UHRF1: variants seen among roughly 807,000 people sequenced by gnomAD.
UHRF1 encodes ubiquitin like with PHD and ring finger domains 1, also known as E3 ubiquitin-protein ligase UHRF1.
In UHRF1, 9 loss-of-function variants were observed where a neutral mutation model predicts 96.5. The observed-to-expected ratio is 0.09, with a 90% confidence interval of 0.06 to 0.16. The LOEUF is 0.16. Among genes scored for constraint, UHRF1 ranks in the 10% least tolerant of loss-of-function variants. The pLI is 1.00. For synonymous variants in UHRF1, 455 were observed against 469.9 expected (o/e 0.97, Z 0.41); for missense variants, 626 against 1,131.1 (o/e 0.55, Z 6.40).
At position 4,929,623 on chromosome 19, in the gene UHRF1, G is replaced by A. The variant is rs569870192; in HGVS notation, c.408+147G>A. 9.8e-5 allele frequency: 112 copies of A among 1,137,310 alleles called. 1 individual carries two copies. Among genetic ancestry groups the A allele is most frequent in the South Asian group, 5.0e-4 (31 of 61,642 alleles). The allele number at this position is 1,137,310 out of a possible 1,614,324, so 70.5% of individuals were successfully genotyped here. On this transcript the variant is annotated intron_variant, in intron 3 of 16. Transcript: ENST00000650932. ...ATGGCCAAGGGGTGGTTTCCTGCAC[G>A]TTCCTTGAGGGGAACATGGTACCCT...
At chr19:4,910,831 G>A (rs777342957) in intron 1 of UHRF1, 45 bp from the exon 2 acceptor site, 3 of 1,559,380 alleles carry the variant, frequency 1.9e-6, no homozygotes, top group East Asian at 2.3e-5. Flanking sequence ...ATGGCTCAGA[G>A]GTGCTGGTAA....
chr19:4,909,691 G>C (rs985302060), intron 1 of UHRF1, 36 bp downstream of exon 1: 7 of 510,004 alleles, frequency 1.4e-5, no homozygotes, highest in Admixed American at 1.3e-4. Context: ...GCCAGCCCGG[G>C]CCGGGCGCAC....
intron 5 of UHRF1, among the ~76,000 whole-genome samples, chr19:4,933,839 A>G (rs187984757): frequency 5.3e-5 from 8 of 152,196 alleles, no homozygotes; most frequent in Non-Finnish European, 1.0e-4. Context: ...CTTTTGTGTT[A>G]TAAGAGCAGA....
rs1208880663 is a variant in UHRF1 at position 4,952,435 on chromosome 19, GC to G, written c.1818+1442del. On this transcript the variant is annotated intron_variant, in intron 13 of 16. Coordinates refer to ENST00000650932, the MANE Select transcript of UHRF1 (RefSeq NM_001048201.3). ...TTTGGAGACAGAGTCTCACTCTGTC[GC>G]CCAGGCTGGAGTGCAGGCATGATCT... Among the ~76,000 whole-genome samples, 8 of 118,984 alleles carry G rather than the reference GC, an allele frequency of 6.7e-5. No individual in the cohort carries two copies. The Admixed American group carries it at 8.0e-4, about 12-fold the overall frequency. The allele number at this position is 118,984 out of a possible 152,430, so 78.1% of individuals were successfully genotyped here. A position where few individuals can be genotyped will look rare whatever the true frequency, so the allele number is the denominator to read the frequency against.
chr19:4,910,903 G>T lies in UHRF1; in HGVS notation c.18G>T (p.Arg6=). 6.2e-7 allele frequency: 1 copy of T among 1,612,774 alleles called. No homozygotes were observed. Residue 6 remains arginine (R), a synonymous_variant, in exon 2 of 17, where the codon CGG becomes CGT. Transcript: ENST00000650932. ...CCGACACCATGTGGATCCAGGTTCG[G>T]ACCATGGACGGGAGGCAGACCCACA... is the stretch of plus-strand genomic sequence containing the variant. MWIQV[R]TMDGRQTHTV...
rs1280579160 is a variant in UHRF1, at chr19:4,947,208, A to G, written c.1514A>G (p.Asn505Ser). The G allele has an allele frequency of 6.2e-7, 1 of 1,613,734 alleles. No individual in the cohort carries two copies. Among genetic ancestry groups the G allele is most frequent in the Admixed American group, 1.7e-5 (1 of 60,002 alleles). Residue 505 changes from asparagine to serine, a missense_variant, in exon 11 of 17, where the codon AAC becomes AGC. Asn to Ser is a conservative substitution (Grantham distance 46, BLOSUM62 1). Around this residue, in one of 11 missense-constraint regions of UHRF1, gnomAD observed 61 missense variants for 199.2 expected, o/e 0.31. Coordinates refer to ENST00000650932, the MANE Select transcript of UHRF1 (RefSeq NM_001048201.3). ...QSCDQKLTNTNRALALNCFAP... is the reference protein window; with the variant it reads ...QSCDQKLTNTSRALALNCFAP... ...TGTGATCAGAAACTCACCAACACCA[A>G]CAGGTTTGTGGAATCAGCCTTCTTA...
chr19:4,907,782 G>T (rs1361685715), upstream of UHRF1, among the ~76,000 whole-genome samples: 1 of 135,400 alleles, frequency 7.4e-6, no homozygotes, highest in African/African-American at 2.8e-5. Flanking sequence ...GCGCGATCTT[G>T]GCTCACCACA....
intron 5 of UHRF1, among the ~76,000 whole-genome samples, chr19:4,935,289 G>C (rs1336162167): frequency 1.3e-5 from 2 of 152,152 alleles, no homozygotes; most frequent in East Asian, 1.9e-4. Flanking sequence ...ATAAAGGGCA[G>C]TTCCCCTGCA....
chr19:4,922,535 T>TGGGATTAC (rs1041675941), intron 2 of UHRF1, among the ~76,000 whole-genome samples: 9 of 152,256 alleles, frequency 5.9e-5, no homozygotes, highest in Non-Finnish European at 2.9e-5. Context: ...CCCCAAGTGC[T>TGGGATTAC]GGGATTACAG....
chr19:4,917,034 G>A (rs1640199119), intron 2 of UHRF1, among the ~76,000 whole-genome samples: 1 of 146,264 alleles, frequency 6.8e-6, no homozygotes, highest in African/African-American at 2.5e-5. Context: ...GAGAGCCCCT[G>A]AATGTGGCAC....
chr19:4,950,028 G>A (rs955706927), intron 11 of UHRF1, among the ~76,000 whole-genome samples: 1 of 139,522 alleles, frequency 7.2e-6, no homozygotes, highest in African/African-American at 2.7e-5. Context: ...ATGTTACCAC[G>A]CCTGGCTATT....
At position 4,909,528 on chromosome 19, in the gene UHRF1, G is replaced by T; in HGVS notation, c.-138G>T. On this transcript the variant is annotated 5_prime_UTR_variant, in exon 1 of 17. Coordinates refer to ENST00000650932, the MANE Select transcript of UHRF1 (RefSeq NM_001048201.3). ...AGCAGCTGGCAGCGCGGCGGGCAGC[G>T]TTTGCCGAGCGGGCGCTCCGGGTCG... The T allele has an allele frequency of 1.5e-6, 1 of 659,016 alleles. No individual in the cohort carries two copies. Among genetic ancestry groups the T allele is most frequent in the Non-Finnish European group, 2.7e-6 (1 of 365,676 alleles). 40.8% of individuals were successfully genotyped at this position (659,016 alleles called of 1,614,324 possible).
chr19:4,923,504 C>G (rs951798285), intron 2 of UHRF1, among the ~76,000 whole-genome samples: 2 of 152,226 alleles, frequency 1.3e-5, no homozygotes, highest in Non-Finnish European at 2.9e-5. Flanking sequence ...CTGGCTGCCC[C>G]ATGCAGCTGA....
intron 10 of UHRF1, among the ~76,000 whole-genome samples, chr19:4,946,731 C>T (rs771236287): frequency 2.0e-5 from 3 of 152,022 alleles, no homozygotes; most frequent in Non-Finnish European, 4.4e-5. Context: ...GGCACTGCCA[C>T]GCCAAACTAA....
chr19:4,904,572 C>T (rs946380578), upstream of UHRF1, among the ~76,000 whole-genome samples: 10 of 152,212 alleles, frequency 6.6e-5, no homozygotes, highest in Non-Finnish European at 1.3e-4. Flanking sequence ...CTCACTTGGC[C>T]TCCCAAAGTG....
intron 2 of UHRF1, among the ~76,000 whole-genome samples, chr19:4,923,849 GC>G (rs2032781385): frequency 6.6e-6 from 1 of 152,248 alleles, no homozygotes; most frequent in East Asian, 1.9e-4. Flanking sequence ...TTTGGCAAGA[GC>G]AGTGTGCCTG....
At chr19:4,904,754 G>A (rs1208684726), upstream of UHRF1, among the ~76,000 whole-genome samples, 1 of 152,198 alleles carries the variant, frequency 6.6e-6, no homozygotes, top group Non-Finnish European at 1.5e-5. Flanking sequence ...GTGGGTGTGG[G>A]GGGTGGAATC....
intron 11 of UHRF1, 105 bp from the exon 12 acceptor site, chr19:4,950,506 A>G: frequency 7.9e-7 from 1 of 1,269,562 alleles, no homozygotes; most frequent in Non-Finnish European, 1.1e-6. Flanking sequence ...AGCCTCCCAA[A>G]GTGCTGGGAT....
intron 5 of UHRF1, among the ~76,000 whole-genome samples, chr19:4,933,446 C>G (rs1264940347): frequency 1.3e-5 from 2 of 152,122 alleles, no homozygotes; most frequent in Non-Finnish European, 2.9e-5. Flanking sequence ...GATCTCCTGA[C>G]CTCGTGATCT....
Sources: gnomAD v4.1 joint callset for allele counts (sites outside exome capture counted in the v4.1 genomes callset) on GRCh38, gnomAD v4.1.1 for gene constraint, gnomAD v4.1.1 regional missense constraint, MANE v1.5 for transcripts, NCBI Gene and HGNC (gene_info 2026-07-23, HGNC 2026-07-21) for gene names.